CA10: variants seen among roughly 807,000 people sequenced by gnomAD.
CA10 encodes carbonic anhydrase 10 (inactive), also known as carbonic anhydrase-related protein 10.
Under a neutral mutation model 44.2 loss-of-function variants are expected in CA10, and 14 were observed. The ratio of observed to expected loss-of-function variants is 0.32; its 90% CI spans 0.21 to 0.50. The LOEUF is 0.50. CA10 is among the 20% of genes least tolerant of loss of function. CA10 has a pLI of 0.99. For synonymous variants in CA10, 159 were observed against 141.6 expected, an observed-to-expected ratio of 1.12 and a Z score of -0.87; for missense variants, 350 against 409.7, an observed-to-expected ratio of 0.85 and a Z score of 1.26.
At position 51,717,734 on chromosome 17, in the gene CA10, T is replaced by TGC. The variant is rs1457171447; in HGVS notation, c.465+29898_465+29899insGC. On this transcript the variant is annotated intron_variant, in intron 4 of 8. Transcript: ENST00000451037. ...ACATATATACGTATATATACATATA[T>TGC]ACGTATATATACATGTATATATACG... 1.2e-3 allele frequency among the ~76,000 whole-genome samples: 60 copies of TGC among 49,606 alleles called. 11 individuals are homozygous for TGC. The highest frequency in any genetic ancestry group is 2.9e-3 in the African/African-American group (38 of 13,156). 32.5% of individuals were successfully genotyped at this position (49,606 alleles called of 152,430 possible).
At chr17:51,766,364 G>A (rs1455977056) in intron 3 of CA10, among the ~76,000 whole-genome samples, 1 of 152,214 alleles carries the variant, frequency 6.6e-6, no homozygotes, top group African/African-American at 2.4e-5. Flanking sequence ...CATGCTGGAA[G>A]GCTCTGATCT....
At chr17:51,798,649 T>C (rs943598083) in intron 3 of CA10, among the ~76,000 whole-genome samples, 1 of 152,202 alleles carries the variant, frequency 6.6e-6, no homozygotes, top group Non-Finnish European at 1.5e-5. Context: ...AGAATTTTTT[T>C]AAATTGGTTT....
chr17:51,930,912 T>C, intron 3 of CA10, 78 bp downstream of exon 3: 6 of 1,542,114 alleles, frequency 3.9e-6, no homozygotes, highest in Non-Finnish European at 5.3e-6. Flanking sequence ...TCACAGAGAC[T>C]GAAGCCTTGA....
rs951986139 is a variant in CA10 at position 51,849,182 on chromosome 17, T to C, written c.279+81808A>G. Among the ~76,000 whole-genome samples, 25 of 78,538 alleles carry C rather than the reference T, an allele frequency of 3.2e-4. 2 individuals are homozygous for C. The highest frequency in any genetic ancestry group is 4.9e-4 in the Non-Finnish European group (21 of 42,488). The allele number at this position is 78,538 out of a possible 152,430, so 51.5% of individuals were successfully genotyped here. Reference sequence around the variant, plus strand: ...ATATATGTATATATATATACATATATGTATATATATATATACATATATGTA... The same window carrying C: ...ATATATGTATATATATATACATATACGTATATATATATATACATATATGTA... On this transcript the variant is annotated intron_variant, in intron 3 of 8. Coordinates refer to ENST00000451037, the MANE Select transcript of CA10 (RefSeq NM_020178.5).
chr17:51,734,842 C>G (rs1916845302), intron 4 of CA10, among the ~76,000 whole-genome samples: 1 of 152,082 alleles, frequency 6.6e-6, no homozygotes, highest in African/African-American at 2.4e-5. Context: ...ATTTATTTTT[C>G]ACCGTTCTGG....
chr17:51,892,788 G>A (rs1019455904), intron 3 of CA10, among the ~76,000 whole-genome samples: 3 of 152,062 alleles, frequency 2.0e-5, no homozygotes, highest in Non-Finnish European at 4.4e-5. Flanking sequence ...CCTGCTGGTG[G>A]GCATGATGGC....
intron 2 of CA10, among the ~76,000 whole-genome samples, chr17:51,968,943 T>G (rs188031858): frequency 1.3e-5 from 2 of 152,126 alleles, no homozygotes; most frequent in Admixed American, 1.3e-4. Context: ...TGTTTTTAAC[T>G]TGAACTACAT....
At chr17:52,156,667 T>C (rs1598245097) in intron 1 of CA10, among the ~76,000 whole-genome samples, 1 of 152,172 alleles carries the variant, frequency 6.6e-6, no homozygotes, top group African/African-American at 2.4e-5. Context: ...TGCTTAAATG[T>C]GGCTGCTCAA....
chr17:51,763,283 A>G (rs1292057117), intron 3 of CA10: 3 of 152,216 alleles, frequency 2.0e-5, no homozygotes, highest in African/African-American at 7.2e-5. Flanking sequence ...TCGGTGGAGC[A>G]TGTGCTGTGG....
chr17:51,929,030 C>T (rs1227112887), intron 3 of CA10, among the ~76,000 whole-genome samples: 1 of 152,066 alleles, frequency 6.6e-6, no homozygotes, highest in Non-Finnish European at 1.5e-5. Flanking sequence ...GCCAAGATTC[C>T]AAACTCCAAT....
At chr17:51,876,869 T>A (rs1017987622) in intron 3 of CA10, among the ~76,000 whole-genome samples, 10 of 152,236 alleles carry the variant, frequency 6.6e-5, no homozygotes, top group Non-Finnish European at 1.5e-4. Context: ...TTGTTCTGTA[T>A]CTTTGTGAGT....
intron 1 of CA10, among the ~76,000 whole-genome samples, chr17:52,109,812 T>C (rs1988751468): frequency 6.6e-6 from 1 of 152,216 alleles, no homozygotes; most frequent in Admixed American, 6.5e-5. Context: ...GTGTGTTTCA[T>C]GACTTTCAGG....
intron 2 of CA10, among the ~76,000 whole-genome samples, chr17:51,955,900 C>A (rs570958003): frequency 8.2e-4 from 125 of 152,124 alleles, no homozygotes; most frequent in African/African-American, 2.8e-3. Context: ...ACCTAGATGA[C>A]GGATTGACGG....
At chr17:52,093,442 A>G (rs1248028453) in intron 1 of CA10, among the ~76,000 whole-genome samples, 1 of 152,108 alleles carries the variant, frequency 6.6e-6, no homozygotes, top group Non-Finnish European at 1.5e-5. Context: ...TCACCAACCC[A>G]TGGAAAATCT....
intron 1 of CA10, among the ~76,000 whole-genome samples, chr17:52,100,763 A>G (rs963233563): frequency 1.3e-5 from 2 of 151,216 alleles, no homozygotes; most frequent in African/African-American, 4.9e-5. Flanking sequence ...CAAATATATC[A>G]CCCCCATCAA....
chr17:51,728,048 G>A (rs918757504), intron 4 of CA10, among the ~76,000 whole-genome samples: 23 of 152,000 alleles, frequency 1.5e-4, no homozygotes, highest in African/African-American at 5.6e-4. Context: ...ACCACACCCA[G>A]CTAATTTTTT....
chr17:52,077,875 T>C (rs955074302), intron 1 of CA10, among the ~76,000 whole-genome samples: 2 of 152,212 alleles, frequency 1.3e-5, no homozygotes, highest in African/African-American at 4.8e-5. Context: ...CAACCCATGC[T>C]GGGTTTTTCA....
At chr17:51,707,631 G>T (rs1915800783) in intron 4 of CA10, among the ~76,000 whole-genome samples, 1 of 150,868 alleles carries the variant, frequency 6.6e-6, no homozygotes, top group African/African-American at 2.4e-5. Context: ...CAGGCATTGT[G>T]CCTGTTGAGC....
At chr17:51,804,444 A>T (rs914100978) in intron 3 of CA10, among the ~76,000 whole-genome samples, 38 of 152,224 alleles carry the variant, frequency 2.5e-4, no homozygotes, top group African/African-American at 8.9e-4. Context: ...ATCCTCTCAG[A>T]CTAGACTCTC....
Sources: gnomAD v4.1 joint callset for allele counts (sites outside exome capture counted in the v4.1 genomes callset) on GRCh38, gnomAD v4.1.1 for gene constraint, MANE v1.5 for transcripts, NCBI Gene and HGNC (gene_info 2026-07-23, HGNC 2026-07-21) for gene names.